TEX11: variants seen among roughly 807,000 people sequenced by gnomAD.
TEX11 encodes testis expressed 11, also known as testis-expressed protein 11.
TEX11 carries 7 observed loss-of-function variants against 84.4 expected under a neutral mutation model. That is an observed-to-expected ratio of 0.08 (90% CI 0.05 to 0.16). The LOEUF (loss-of-function observed/expected upper bound fraction) is 0.16, where lower values mean the gene tolerates loss of function less well. Among genes scored for constraint, TEX11 ranks in the 10% least tolerant of loss-of-function variants. The pLI is 1.00. For synonymous variants in TEX11, 264 were observed against 222.8 expected (o/e 1.18, Z -1.64); for missense variants, 551 against 660.5 (o/e 0.83, Z 1.82).
chrX:70,528,749 CTT>C (rs1221122691), downstream of TEX11, among the ~76,000 whole-genome samples: 1 of 111,427 alleles, frequency 9.0e-6, no homozygotes, highest in East Asian at 2.8e-4. Flanking sequence ...GTCTGGGATT[CTT>C]TGATATCTTC....
chrX:70,539,038 A>ATATATATATATTT lies in TEX11; in HGVS notation c.2521-9040_2521-9039insAAATATATATATA. 3.4e-3 allele frequency among the ~76,000 whole-genome samples: 141 copies of ATATATATATATTT among 41,230 alleles called. 1 individual carries two copies. The highest frequency in any genetic ancestry group is 0.031 in the South Asian group (12 of 390). The allele number at this position is 41,230 out of a possible 115,157, so 35.8% of individuals were successfully genotyped here. ...CTTGGAAATATATATATATATATATATTTTTTTTTTTTTTAAGATGGAGTC... is the reference window on the plus strand; with the variant it reads ...CTTGGAAATATATATATATATATATATATATATATATTTTTTTTTTTTTTTTTAAGATGGAGTC... On this transcript the variant is annotated intron_variant, in intron 28 of 29. Transcript: ENST00000374333.
At chrX:70,672,231 A>C (rs2090031760) in intron 15 of TEX11, among the ~76,000 whole-genome samples, 1 of 110,866 alleles carries the variant, frequency 9.0e-6, no homozygotes, top group African/African-American at 3.3e-5. Flanking sequence ...ATTGAAGGAC[A>C]TACCAGTTTG....
intron 7 of TEX11, among the ~76,000 whole-genome samples, chrX:70,839,369 C>T (rs1362581880): frequency 1.8e-5 from 2 of 111,970 alleles, no homozygotes; most frequent in Non-Finnish European, 3.8e-5. Context: ...TGCTGATACC[C>T]AGGCAAACAG....
chrX:70,744,234 GAAA>G lies in TEX11; in HGVS notation c.693-18_693-16del. The G allele has an allele frequency of 1.5e-6, 1 of 666,991 alleles. No individual in the cohort carries two copies. The highest frequency in any genetic ancestry group is 1.9e-6 in the Non-Finnish European group (1 of 513,217). The allele number at this position is 666,991 out of a possible 1,213,427, so 55.0% of individuals were successfully genotyped here. On this transcript the variant is annotated splice_polypyrimidine_tract_variant and intron_variant, in intron 9 of 29. Transcript: ENST00000374333. ...CATAGCTTTGGCTATCATTAAAAAG[GAAA>G]AAAAATATATATATATATATAAACA...
At position 70,678,815 on chromosome X, in the gene TEX11, T is replaced by C; in HGVS notation, c.1231A>G (p.Ser411Gly). 4.1e-6 allele frequency: 5 copies of C among 1,205,721 alleles called. No homozygotes were observed. The highest frequency in any genetic ancestry group is 4.5e-6 in the Non-Finnish European group (4 of 892,972). ...LHNILWRQAA[S>G]SFEVQNYTDA... ...GATTATTCTCAAACCTCAAAACTACTGGCAGCTTGTCTCCACAGAATGTTG... is the reference window on the plus strand; with the variant it reads ...GATTATTCTCAAACCTCAAAACTACCGGCAGCTTGTCTCCACAGAATGTTG... The change falls in exon 15 of 30, where the codon AGT becomes GGT. Residue 411 changes from serine (S) to glycine (G), a missense_variant. Physicochemically the swap from Ser to Gly is moderately conservative, Grantham distance 56. Transcript: ENST00000374333.
At chrX:70,787,545 G>A (rs754791628) in intron 9 of TEX11, among the ~76,000 whole-genome samples, 4 of 109,966 alleles carry the variant, frequency 3.6e-5, no homozygotes, top group Non-Finnish European at 7.6e-5. Flanking sequence ...TGGCCAGGAT[G>A]GTCTCAATCT....
At chrX:70,709,714 T>C (rs1603230437) in intron 13 of TEX11, among the ~76,000 whole-genome samples, 2 of 89,134 alleles carry the variant, frequency 2.2e-5, no homozygotes, top group East Asian at 7.8e-4. Context: ...CATTCAACAG[T>C]GTGTTCAAAA....
intron 25 of TEX11, among the ~76,000 whole-genome samples, chrX:70,578,764 CTTTTTTTTTT>C (rs869110075): frequency 2.0e-5 from 1 of 50,172 alleles, no homozygotes; most frequent in Non-Finnish European, 3.5e-5. Context: ...AGTTGAACTT[CTTTTTTTTTT>C]TTTTTTTTTT....
chrX:70,901,714 T>C (rs2091804185), intron 2 of TEX11, among the ~76,000 whole-genome samples: 1 of 111,675 alleles, frequency 9.0e-6, no homozygotes, highest in Non-Finnish European at 1.9e-5. Flanking sequence ...GCCAGGTTCC[T>C]AACAGGCCAG....
At position 70,721,461 on chromosome X, in the gene TEX11, C is replaced by T. The variant is rs1007745140; in HGVS notation, c.1004+1157G>A. Reference sequence around the variant, plus strand: ...TTAAGTTCCATGAAATTTTTGTGAACAACATGAAGGAAATTAGGTCATCTA... The same window carrying T: ...TTAAGTTCCATGAAATTTTTGTGAATAACATGAAGGAAATTAGGTCATCTA... On this transcript the variant is annotated intron_variant, in intron 13 of 29. Transcript: ENST00000374333. 2.9e-4 allele frequency among the ~76,000 whole-genome samples: 32 copies of T among 111,765 alleles called. 1 individual carries two copies. The highest frequency in any genetic ancestry group is 1.0e-3 in the African/African-American group (31 of 30,778).
Position 70,768,005 on chromosome X carries a change from G to A in TEX11, c.693-23786C>T, listed in dbSNP as rs774272483. On this transcript the variant is annotated intron_variant, in intron 9 of 29. Coordinates refer to ENST00000374333, the MANE Select transcript of TEX11 (RefSeq NM_031276.3). ...GGGTTTGGGGGTGGTTTGGTGAGGGGAGGTGAGGATGATTAATGGTTATAA... is the reference window on the plus strand; with the variant it reads ...GGGTTTGGGGGTGGTTTGGTGAGGGAAGGTGAGGATGATTAATGGTTATAA... 1.5e-4 allele frequency among the ~76,000 whole-genome samples: 17 copies of A among 111,183 alleles called. No homozygotes were observed. In the East Asian group the frequency reaches 4.2e-3, roughly 28 times the overall value.
Position 70,611,484 on chromosome X carries a change from A to G in TEX11, c.1752-941T>C, listed in dbSNP as rs761919134. 1.5e-4 allele frequency among the ~76,000 whole-genome samples: 17 copies of G among 112,330 alleles called. No individual in the cohort carries two copies. The East Asian group carries it at 4.8e-3, about 32-fold the overall frequency. On this transcript the variant is annotated intron_variant, in intron 20 of 29. Coordinates refer to ENST00000374333, the MANE Select transcript of TEX11 (RefSeq NM_031276.3). ...TTAAAAGACTCAGGAGGACCCAGTCATAAGGAGGCCTCCACAGTTTTGTGA... is the reference window on the plus strand; with the variant it reads ...TTAAAAGACTCAGGAGGACCCAGTCGTAAGGAGGCCTCCACAGTTTTGTGA...
chrX:70,569,888 A>G (rs1420487064), intron 25 of TEX11, among the ~76,000 whole-genome samples: 1 of 111,623 alleles, frequency 9.0e-6, no homozygotes, highest in Non-Finnish European at 1.9e-5. Context: ...CAGTCTGCTG[A>G]TTCTCAGATC....
chrX:70,724,128 A>G (rs1778900843), intron 12 of TEX11: 4 of 750,714 alleles, frequency 5.3e-6, no homozygotes, highest in Non-Finnish European at 6.3e-6. Flanking sequence ...ATGTACTTCA[A>G]CTTGGTGACT....
chrX:70,591,485 C>T (rs1053670514), intron 25 of TEX11, among the ~76,000 whole-genome samples: 3 of 110,719 alleles, frequency 2.7e-5, no homozygotes, highest in Non-Finnish European at 3.8e-5. Flanking sequence ...TGCCTGTATT[C>T]CCAGCTACTC....
At chrX:70,705,058 T>A (rs1262421575) in intron 13 of TEX11, among the ~76,000 whole-genome samples, 3 of 111,921 alleles carry the variant, frequency 2.7e-5, no homozygotes, top group African/African-American at 6.5e-5. Context: ...AGGGAATCCT[T>A]TCTCCATTGC....
chrX:70,610,314 C>T (rs2089245575), intron 21 of TEX11, among the ~76,000 whole-genome samples, 189 bp downstream of exon 21: 3 of 110,790 alleles, frequency 2.7e-5, no homozygotes, highest in Non-Finnish European at 5.7e-5. Context: ...GAGATGAATG[C>T]TAATGATGAC....
chrX:70,520,917 C>T, the TEX11 span, among the ~76,000 whole-genome samples: 6 of 112,217 alleles, frequency 5.3e-5, no homozygotes, highest in Non-Finnish European at 9.4e-5. Flanking sequence ...GTGAGCAAAG[C>T]TCCGCGGGCA....
rs762237593 is a variant in TEX11 at position 70,629,806 on chromosome X, T to C, written c.1484-71A>G. 52 of 778,369 alleles carry C rather than the reference T, an allele frequency of 6.7e-5. No homozygotes were observed. In the African/African-American group the frequency reaches 1.1e-3, roughly 16 times the overall value. The allele number at this position is 778,369 out of a possible 1,213,427, so 64.1% of individuals were successfully genotyped here. On this transcript the variant is annotated intron_variant, in intron 17 of 29. Transcript: ENST00000374333. ...GAAATTACATATCTATGGTTAATTA[T>C]GCCACAATGAATTTGGAACTTATTT... is the stretch of plus-strand genomic sequence containing the variant.
Sources: gnomAD v4.1 joint callset for allele counts (sites outside exome capture counted in the v4.1 genomes callset) on GRCh38, gnomAD v4.1.1 for gene constraint, MANE v1.5 for transcripts, NCBI Gene and HGNC (gene_info 2026-07-23, HGNC 2026-07-21) for gene names.